Variants in PRKAR1B observed in about 807,000 individuals in gnomAD.
PRKAR1B encodes the protein cAMP-dependent protein kinase type I-beta regulatory subunit.
A neutral mutation model predicts 46.5 loss-of-function variants in PRKAR1B; 22 were observed. The ratio of observed to expected loss-of-function variants is 0.47; its 90% CI spans 0.34 to 0.68. The LOEUF (loss-of-function observed/expected upper bound fraction) is 0.68. PRKAR1B is among the 30% of genes least tolerant of loss of function. The pLI is 0.01. For synonymous variants in PRKAR1B, 259 were observed against 217.7 expected (o/e 1.19, Z -1.67); for missense variants, 445 against 535.6 (o/e 0.83, Z 1.67).
rs1216404523 is a variant in PRKAR1B, at chr7:666,570, C to T, written c.440+10659G>A. Among the ~76,000 whole-genome samples the T allele has an allele frequency of 2.6e-5, 4 of 152,342 alleles. No homozygotes were observed. The highest frequency in any genetic ancestry group is 3.9e-4 in the East Asian group (2 of 5,186). On this transcript the variant is annotated intron_variant, in intron 4 of 10. Coordinates refer to ENST00000537384, the MANE Select transcript of PRKAR1B (RefSeq NM_001164760.2). The surrounding 1 kb of genome is among the most constrained non-coding windows in gnomAD (Gnocchi z 4.9). ...AGGGGATAAGGACACCCCACTCCAGCCCCAGCTGGACAATTGCTGTGTGGG... is the reference window on the plus strand; with the variant it reads ...AGGGGATAAGGACACCCCACTCCAGTCCCAGCTGGACAATTGCTGTGTGGG...
rs578045529 is a variant in PRKAR1B, at chr7:667,036, T to C, written c.440+10193A>G. Among the ~76,000 whole-genome samples, 1 of 151,820 alleles carries C rather than the reference T, an allele frequency of 6.6e-6. No homozygotes were observed. The highest frequency in any genetic ancestry group is 2.1e-4 in the South Asian group (1 of 4,814). ...AGGATGGTGGTGGTGATGGTGATGATGATAATGATGGTGATGATGACAGTG... is the reference window on the plus strand; with the variant it reads ...AGGATGGTGGTGGTGATGGTGATGACGATAATGATGGTGATGATGACAGTG... On this transcript the variant is annotated intron_variant, in intron 4 of 10. Coordinates refer to ENST00000537384, the MANE Select transcript of PRKAR1B (RefSeq NM_001164760.2). The surrounding 1 kb of genome is among the most constrained non-coding windows in gnomAD (Gnocchi z 4.3).
Position 560,371 on chromosome 7 carries a change from T to G in PRKAR1B, c.892-8901A>C, listed in dbSNP as rs1778709866. Among the ~76,000 whole-genome samples, 1 of 148,600 alleles carries G rather than the reference T, an allele frequency of 6.7e-6. No homozygotes were observed. Among genetic ancestry groups the G allele is most frequent in the Admixed American group, 6.7e-5 (1 of 14,896 alleles). ...AATGAACTAATACAAATAATAATAATAATAATAATAATAATAATAAATATA... is the reference window on the plus strand; with the variant it reads ...AATGAACTAATACAAATAATAATAAGAATAATAATAATAATAATAAATATA... On this transcript the variant is annotated intron_variant, in intron 9 of 10. Coordinates refer to ENST00000537384, the MANE Select transcript of PRKAR1B (RefSeq NM_001164760.2). The surrounding 1 kb of genome is among the most constrained non-coding windows in gnomAD (Gnocchi z 4.2).
At chr7:555,088 C>A (rs1247206842) in intron 9 of PRKAR1B, among the ~76,000 whole-genome samples, 4 of 152,230 alleles carry the variant, frequency 2.6e-5, no homozygotes, top group Non-Finnish European at 4.4e-5. Flanking sequence ...CTCCCCTCAG[C>A]AGTGAGAAAC....
intron 4 of PRKAR1B, among the ~76,000 whole-genome samples, chr7:617,197 G>C (rs1301627291): frequency 1.3e-5 from 2 of 151,608 alleles, no homozygotes; most frequent in Non-Finnish European, 2.9e-5. Flanking sequence ...GTTTCACCAT[G>C]TTGGCCAGGC....
In PRKAR1B at chr7:575,993, C is replaced by T. The variant is rs187399327; in HGVS notation, c.891+3263G>A. Among the ~76,000 whole-genome samples, 3 of 151,998 alleles carry T rather than the reference C, an allele frequency of 2.0e-5. No homozygotes were observed. The East Asian group carries it at 5.8e-4, about 29-fold the overall frequency. ...CATGGGCAAATGTGCACGCTGGCAT[C>T]CTCTGCTCTGCACATGGGTGGGTGT... is the stretch of plus-strand genomic sequence containing the variant. On this transcript the variant is annotated intron_variant, in intron 9 of 10. Coordinates refer to ENST00000537384, the MANE Select transcript of PRKAR1B (RefSeq NM_001164760.2).
intron 1 of PRKAR1B, 178 bp downstream of exon 1, chr7:727,032 G>C: frequency 2.7e-6 from 3 of 1,131,736 alleles, no homozygotes; most frequent in South Asian, 4.2e-5. Flanking sequence ...ATCTGGGCCT[G>C]CGCCGCGCCG....
chr7:698,222 T>C lies in PRKAR1B; in HGVS notation c.177+13107A>G, dbSNP rs192303936. ...GAGTTCAAGACCAGCCTGGGTCACA[T>C]AGGGAGACCTCATCTCTATAAAAAT... is the stretch of plus-strand genomic sequence containing the variant. On this transcript the variant is annotated intron_variant, in intron 2 of 10. Coordinates refer to ENST00000537384, the MANE Select transcript of PRKAR1B (RefSeq NM_001164760.2). 3.7e-3 allele frequency among the ~76,000 whole-genome samples: 558 copies of C among 152,064 alleles called. 2 individuals carry two copies. The highest frequency in any genetic ancestry group is 5.1e-3 in the Non-Finnish European group (346 of 67,912).
chr7:632,920 T>C (rs1309797270), intron 4 of PRKAR1B, among the ~76,000 whole-genome samples: 4 of 152,330 alleles, frequency 2.6e-5, no homozygotes, highest in East Asian at 3.9e-4. Flanking sequence ...ACACAGTGCC[T>C]GTCCGGGAAG....
At chr7:671,865 C>T (rs753785862) in intron 4 of PRKAR1B, among the ~76,000 whole-genome samples, 15 of 152,212 alleles carry the variant, frequency 9.9e-5, no homozygotes, top group African/African-American at 3.6e-4. Flanking sequence ...CCCTTTGCTG[C>T]AGCTGTGCCA....
chr7:727,374 C>T (rs1438471567), upstream of PRKAR1B: 3 of 1,011,346 alleles, frequency 3.0e-6, no homozygotes, highest in Admixed American at 4.7e-5. Context: ...CCACCTCCAC[C>T]TCCGCGGCCC....
chr7:696,107 C>T (rs1779724309), intron 2 of PRKAR1B, among the ~76,000 whole-genome samples: 1 of 150,592 alleles, frequency 6.6e-6, no homozygotes, highest in Non-Finnish European at 1.5e-5. Context: ...TATCTGGGAC[C>T]ACAGGTGCAC....
intron 7 of PRKAR1B, among the ~76,000 whole-genome samples, chr7:590,660 A>C (rs184466773): frequency 2.0e-5 from 3 of 152,338 alleles, no homozygotes; most frequent in Admixed American, 2.0e-4. Flanking sequence ...AATGGCTGTA[A>C]GCCCCAATTT....
At chr7:634,177 C>G (rs1048446995) in intron 4 of PRKAR1B, among the ~76,000 whole-genome samples, 3 of 152,084 alleles carry the variant, frequency 2.0e-5, no homozygotes, top group African/African-American at 7.2e-5. Flanking sequence ...CGCCTGCCAC[C>G]ATGCCCGGCT....
intron 4 of PRKAR1B, among the ~76,000 whole-genome samples, chr7:664,488 G>C (rs549748966): frequency 1.3e-5 from 2 of 152,336 alleles, no homozygotes; most frequent in Admixed American, 6.5e-5. Flanking sequence ...GGAGGCAGAG[G>C]CCACGTGCAG....
intron 9 of PRKAR1B, among the ~76,000 whole-genome samples, chr7:556,330 C>A (rs1479284039): frequency 6.7e-6 from 1 of 150,268 alleles, no homozygotes; most frequent in Admixed American, 6.6e-5. Context: ...AACCCACCCA[C>A]CCCGACCCCA....
chr7:555,255 C>T (rs567055956), intron 9 of PRKAR1B, among the ~76,000 whole-genome samples: 7 of 152,264 alleles, frequency 4.6e-5, no homozygotes, highest in South Asian at 4.1e-4. Flanking sequence ...GGCAAGGAAG[C>T]GGCAGGGATG....
intron 4 of PRKAR1B, among the ~76,000 whole-genome samples, chr7:624,245 C>T (rs1783260788): frequency 6.6e-6 from 1 of 152,146 alleles, no homozygotes; most frequent in Non-Finnish European, 1.5e-5. Context: ...CCAGCCTGGC[C>T]AACATGGGGA....
intron 9 of PRKAR1B, among the ~76,000 whole-genome samples, chr7:557,814 T>C (rs984866395): frequency 1.3e-5 from 2 of 152,098 alleles, no homozygotes; most frequent in African/African-American, 4.8e-5. Flanking sequence ...TCTGGGTTTT[T>C]TTGGGCTGGA....
intron 2 of PRKAR1B, among the ~76,000 whole-genome samples, chr7:709,371 CTTTTTTT>C (rs71016898): frequency 1.0e-5 from 1 of 95,646 alleles, no homozygotes; most frequent in African/African-American, 4.0e-5. Context: ...GTATGTATTT[CTTTTTTT>C]TTTTTTTTTT....
Sources: allele counts gnomAD v4.1 joint callset (sites outside exome capture counted in the v4.1 genomes callset), GRCh38; gene constraint gnomAD v4.1.1; non-coding constraint Gnocchi (gnomAD v3.1); transcripts MANE v1.5; gene names NCBI Gene and HGNC (gene_info 2026-07-23, HGNC 2026-07-21).